The following CA1 variants were observed in gnomAD, a reference collection of about 807,000 sequenced individuals.
CA1 encodes the protein carbonic anhydrase 1, also known as carbonate dehydratase I.
CA1 carries 27 observed loss-of-function variants against 28.8 expected under a neutral mutation model. The observed-to-expected ratio is 0.94, with a 90% CI of 0.69 to 1.29. The LOEUF is 1.29. CA1 is among the 50% of genes most tolerant of loss of function. CA1 has a pLI of 0.00. For synonymous variants in CA1, 121 were observed against 108.8 expected, an observed-to-expected ratio of 1.11 and a Z score of -0.70; for missense variants, 335 against 310.5, an observed-to-expected ratio of 1.08 and a Z score of -0.59.
chr8:85,377,438 G>A (rs1810460373), intron 1 of CA1, among the ~76,000 whole-genome samples: 1 of 152,152 alleles, frequency 6.6e-6, no homozygotes, highest in Non-Finnish European at 1.5e-5. Context: ...AATTAACCAA[G>A]TCTATCAATT....
rs116905226 is a variant in CA1 at position 85,355,276 on chromosome 8, A to T, written c.-24-13617T>A. On this transcript the variant is annotated intron_variant, in intron 1 of 7. Coordinates refer to ENST00000523022, the MANE Select transcript of CA1 (RefSeq NM_001128831.4). ...AACTGGTATACACGAACACTGAGAA[A>T]CATCACCCCAAAATTGTTTTTCTCT... Among the ~76,000 whole-genome samples the T allele has an allele frequency of 1.5e-4, 23 of 152,356 alleles. No homozygotes were observed. The East Asian group carries it at 4.0e-3, about 27-fold the overall frequency.
intron 5 of CA1, among the ~76,000 whole-genome samples, chr8:85,333,297 A>G (rs1808488590): frequency 6.6e-6 from 1 of 152,198 alleles, no homozygotes; most frequent in East Asian, 1.9e-4. Flanking sequence ...CTGTGAACAC[A>G]TTTCTATCTC....
chr8:85,333,051 C>T (rs561955635), intron 5 of CA1, among the ~76,000 whole-genome samples: 81 of 152,070 alleles, frequency 5.3e-4, no homozygotes, highest in African/African-American at 1.8e-3. Context: ...GCAACATCTC[C>T]CATTTAAAAA....
intron 1 of CA1, among the ~76,000 whole-genome samples, chr8:85,357,532 T>C (rs924985941): frequency 2.0e-5 from 3 of 152,228 alleles, no homozygotes; most frequent in African/African-American, 7.2e-5. Flanking sequence ...GCTATCATTG[T>C]TCATGAGAGG....
At chr8:85,366,735 A>T (rs1810021425) in intron 1 of CA1, among the ~76,000 whole-genome samples, 1 of 152,242 alleles carries the variant, frequency 6.6e-6, no homozygotes, top group Non-Finnish European at 1.5e-5. Context: ...GGAATTAAAT[A>T]GTGATACTAG....
intron 1 of CA1, among the ~76,000 whole-genome samples, chr8:85,347,429 ATTT>A (rs763341469): frequency 4.6e-5 from 7 of 152,312 alleles, no homozygotes; most frequent in Middle Eastern, 6.8e-3. Flanking sequence ...CAAGAGGTGT[ATTT>A]CAGTGAAAGC....
intron 1 of CA1, chr8:85,343,052 A>C (rs529960896): frequency 7.2e-5 from 11 of 151,968 alleles, no homozygotes; most frequent in Non-Finnish European, 7.4e-5. Context: ...AGTACTGTTT[A>C]TTGAAGGCCC....
At chr8:85,334,894 G>T (rs1021904098) in intron 4 of CA1, among the ~76,000 whole-genome samples, 2 of 152,138 alleles carry the variant, frequency 1.3e-5, no homozygotes, top group African/African-American at 4.8e-5. Flanking sequence ...GGAGGCCGGG[G>T]CAGGAGAATC....
In CA1 at chr8:85,370,057, A is replaced by C. The variant is rs568591322; in HGVS notation, c.-25+7989T>G. On this transcript the variant is annotated intron_variant, in intron 1 of 7. Coordinates refer to ENST00000523022, the MANE Select transcript of CA1 (RefSeq NM_001128831.4). ...AGGCCAGGAACTGAAATGGGGGGGAAGTTGAACCAGCTGTCTTTGAAGCTG... is the reference window on the plus strand; with the variant it reads ...AGGCCAGGAACTGAAATGGGGGGGACGTTGAACCAGCTGTCTTTGAAGCTG... Among the ~76,000 whole-genome samples, 21 of 152,344 alleles carry C rather than the reference A, an allele frequency of 1.4e-4. No individual in the cohort carries two copies. In the South Asian group the frequency reaches 3.9e-3, roughly 29 times the overall value.
intron 1 of CA1, among the ~76,000 whole-genome samples, chr8:85,355,125 G>T (rs1200722865): frequency 6.6e-6 from 1 of 152,104 alleles, no homozygotes; most frequent in Non-Finnish European, 1.5e-5. Flanking sequence ...TTCATGGCCT[G>T]ATACTGACCA....
At chr8:85,334,602 CCCTT>C (rs1217293302) in intron 4 of CA1, among the ~76,000 whole-genome samples, 4 of 146,286 alleles carry the variant, frequency 2.7e-5, no homozygotes, top group African/African-American at 5.3e-5. Flanking sequence ...CTCCCTCCCT[CCCTT>C]CCTTCCTCCC....
At chr8:85,330,526 T>C (rs1465047492) in intron 6 of CA1, among the ~76,000 whole-genome samples, 4 of 152,202 alleles carry the variant, frequency 2.6e-5, no homozygotes, top group African/African-American at 9.6e-5. Context: ...AGTGGCACTT[T>C]TGTCTTGTCC....
chr8:85,349,440 C>CT (rs1253732818), intron 1 of CA1, among the ~76,000 whole-genome samples: 1 of 152,168 alleles, frequency 6.6e-6, no homozygotes, highest in East Asian at 1.9e-4. Context: ...CTAACAGTAA[C>CT]TTTTTTTCAT....
intron 1 of CA1, among the ~76,000 whole-genome samples, chr8:85,367,383 G>A (rs1308612201): frequency 6.6e-6 from 1 of 152,086 alleles, no homozygotes; most frequent in African/African-American, 2.4e-5. Flanking sequence ...AAGAGGAAAA[G>A]AAATGTACTT....
intron 1 of CA1, among the ~76,000 whole-genome samples, chr8:85,360,311 G>A (rs1413865278): frequency 1.3e-5 from 2 of 152,136 alleles, no homozygotes; most frequent in Non-Finnish European, 2.9e-5. Context: ...AAAATTAAAG[G>A]CACTGCTGAC....
At chr8:85,347,248 G>A (rs528418191) in intron 1 of CA1, among the ~76,000 whole-genome samples, 30 of 152,250 alleles carry the variant, frequency 2.0e-4, no homozygotes, top group South Asian at 6.2e-4. Context: ...CTGCTTCAGT[G>A]TCACCTGAAG....
intron 1 of CA1, among the ~76,000 whole-genome samples, chr8:85,344,185 T>TTA (rs1809045537): frequency 8.5e-6 from 1 of 117,944 alleles, no homozygotes; most frequent in Non-Finnish European, 1.6e-5. Context: ...ATATAATATA[T>TTA]AATTATATAT....
chr8:85,368,161 G>A (rs1259270582), intron 1 of CA1, among the ~76,000 whole-genome samples: 1 of 151,278 alleles, frequency 6.6e-6, no homozygotes, highest in Admixed American at 6.6e-5. Context: ...ATTTAAAATA[G>A]TAATAATAAT....
intron 6 of CA1, among the ~76,000 whole-genome samples, chr8:85,331,495 T>C (rs537376396): frequency 2.6e-5 from 4 of 152,226 alleles, no homozygotes; most frequent in Non-Finnish European, 2.9e-5. Flanking sequence ...CTCACTCTTT[T>C]ACCCAGGCTG....
Sources: gnomAD v4.1 joint callset for allele counts (sites outside exome capture counted in the v4.1 genomes callset) on GRCh38, gnomAD v4.1.1 for gene constraint, MANE v1.5 for transcripts, NCBI Gene and HGNC (gene_info 2026-07-23, HGNC 2026-07-21) for gene names.